The following KTN1 variants were observed in gnomAD, a reference collection of about 807,000 sequenced individuals.
KTN1 encodes kinectin 1, also known as kinectin.
Under a neutral mutation model 222.5 loss-of-function variants are expected in KTN1, and 130 were observed. The ratio of observed to expected loss-of-function variants is 0.58; its 90% CI spans 0.51 to 0.68. KTN1 has a LOEUF of 0.68. KTN1 is among the 30% of genes least tolerant of loss of function. KTN1 has a pLI of 0.00. For missense variants in KTN1, 1,508 were observed against 1,500.4 expected, an observed-to-expected ratio of 1.01 and a Z score of -0.08; for synonymous variants, 512 against 496.3, an observed-to-expected ratio of 1.03 and a Z score of -0.42.
rs1366053678 is a variant in KTN1 at position 55,679,625 on chromosome 14, C to A, written c.4009C>A (p.Gln1337Lys). ...SLNQTVTQLQ[Q>K]LLQAVNQQLT... Reference sequence around the variant, plus strand: ...AAATCAGACTGTAACACAGTTACAGCAGTTGCTTCAGGCGGTAAACCAACA... The same window carrying A: ...AAATCAGACTGTAACACAGTTACAGAAGTTGCTTCAGGCGGTAAACCAACA... The change falls in exon 43 of 44, where the codon CAG becomes AAG. Residue 1337 changes from glutamine to lysine, a missense_variant. Physicochemically the swap from Gln to Lys is moderately conservative, Grantham distance 53. Transcript: ENST00000395314. 6.8e-6 allele frequency: 11 copies of A among 1,609,042 alleles called. No homozygotes were observed. Among genetic ancestry groups the A allele is most frequent in the Non-Finnish European group, 8.5e-7 (1 of 1,175,360 alleles).
intron 2 of KTN1, among the ~76,000 whole-genome samples, chr14:55,615,161 T>G (rs2038164218): frequency 6.6e-6 from 1 of 152,204 alleles, no homozygotes; most frequent in Admixed American, 6.5e-5. Context: ...TGATAGGAGA[T>G]AATTTATTTT....
chr14:55,625,489 A>T (rs1174956046), intron 5 of KTN1, among the ~76,000 whole-genome samples: 1 of 152,106 alleles, frequency 6.6e-6, no homozygotes. Flanking sequence ...TTTCATTAAT[A>T]ATAGTTTTTC....
chr14:55,680,369 G>GT lies in KTN1; in HGVS notation c.4069+699dup, dbSNP rs540631095. 1,195 of 148,150 alleles carry GT rather than the reference G, an allele frequency of 8.1e-3. 4 individuals carry two copies. The highest frequency in any genetic ancestry group is 0.014 in the Middle Eastern group (4 of 282). The allele number at this position is 148,150 out of a possible 1,614,324, so 9.2% of individuals were successfully genotyped here. On this transcript the variant is annotated intron_variant, in intron 43 of 43. Transcript: ENST00000395314. ...CAGTTTTTGTTTTTCTGGTTGTAGGGTTTTTTTTTTTTTTTCTGTTGCTAC... is the reference window on the plus strand; with the variant it reads ...CAGTTTTTGTTTTTCTGGTTGTAGGGTTTTTTTTTTTTTTTTCTGTTGCTAC...
intron 7 of KTN1, among the ~76,000 whole-genome samples, chr14:55,631,783 CA>C (rs1426300770): frequency 6.6e-6 from 1 of 151,890 alleles, no homozygotes; most frequent in South Asian, 2.1e-4. Flanking sequence ...TCTCAAAAAA[CA>C]AAAAACTCCA....
intron 1 of KTN1, among the ~76,000 whole-genome samples, chr14:55,585,846 C>T (rs1349999658): frequency 6.6e-6 from 1 of 152,148 alleles, no homozygotes; most frequent in African/African-American, 2.4e-5. Context: ...TGAATAGGTT[C>T]CATAGGGGCC....
intron 3 of KTN1, among the ~76,000 whole-genome samples, chr14:55,617,205 T>TA (rs1055308926): frequency 3.9e-5 from 6 of 152,198 alleles, no homozygotes; most frequent in African/African-American, 1.4e-4. Flanking sequence ...AGAGAAATAT[T>TA]ACCTGAATAT....
intron 1 of KTN1, among the ~76,000 whole-genome samples, chr14:55,600,418 TGTTATG>T (rs2140457721): frequency 6.6e-6 from 1 of 152,236 alleles, no homozygotes; most frequent in African/African-American, 2.4e-5. Context: ...TGGACAGATT[TGTTATG>T]GTTAGGGTAG....
At position 55,653,548 on chromosome 14, in the gene KTN1, CT is replaced by C. The variant is rs781055665; in HGVS notation, c.2764-10del. ...TGCTAACAGCATTAAAAATATGATT[CT>C]GTTTCTCAGGCCTCTTCTGCATCAC... On this transcript the variant is annotated splice_polypyrimidine_tract_variant and intron_variant, in intron 27 of 43. Coordinates refer to ENST00000395314, the MANE Select transcript of KTN1 (RefSeq NM_001079521.2). 1.9e-6 allele frequency: 3 copies of C among 1,605,168 alleles called. No homozygotes were observed. The highest frequency in any genetic ancestry group is 2.6e-6 in the Non-Finnish European group (3 of 1,173,152).
chr14:55,660,801 C>T (rs1242363941), intron 31 of KTN1, among the ~76,000 whole-genome samples: 1 of 152,036 alleles, frequency 6.6e-6, no homozygotes, highest in Non-Finnish European at 1.5e-5. Flanking sequence ...ATAAATAAAA[C>T]AACACTTTAA....
chr14:55,590,225 A>G (rs2033870625), intron 1 of KTN1, among the ~76,000 whole-genome samples: 1 of 152,126 alleles, frequency 6.6e-6, no homozygotes, highest in Non-Finnish European at 1.5e-5. Flanking sequence ...ATCTCTTCCT[A>G]CTTGTCTTTT....
At chr14:55,591,651 C>T (rs1195808678) in intron 1 of KTN1, among the ~76,000 whole-genome samples, 2 of 136,788 alleles carry the variant, frequency 1.5e-5, no homozygotes, top group Non-Finnish European at 3.0e-5. Context: ...TGCAATGATG[C>T]GATCTCTGCT....
intron 18 of KTN1, among the ~76,000 whole-genome samples, chr14:55,646,142 C>G (rs1248019743): frequency 6.6e-6 from 1 of 152,028 alleles, no homozygotes; most frequent in Admixed American, 6.5e-5. Flanking sequence ...CCAGAGGATG[C>G]CAGGAGAAGT....
rs1015333261 is a variant in KTN1 at position 55,670,657 on chromosome 14, A to C, written c.3268-72A>C. ...ATAATTATCTAATTTGGTTATTTTA[A>C]ATGTTTCACCTGTTTTATTTGGATT... On this transcript the variant is annotated intron_variant, in intron 34 of 43. Transcript: ENST00000395314. The C allele has an allele frequency of 1.2e-5, 12 of 1,016,598 alleles. No homozygotes were observed. The Admixed American group carries it at 2.7e-4, about 23-fold the overall frequency. 63.0% of individuals were successfully genotyped at this position (1,016,598 alleles called of 1,614,324 possible). A position where few individuals can be genotyped will look rare whatever the true frequency, so the allele number is the denominator to read the frequency against.
chr14:55,600,672 G>A (rs1788844315), intron 1 of KTN1, among the ~76,000 whole-genome samples: 1 of 152,128 alleles, frequency 6.6e-6, no homozygotes, highest in Admixed American at 6.5e-5. Flanking sequence ...AGATTTTAAG[G>A]GGAGGAAAGC....
Position 55,648,871 on chromosome 14 carries a change from G to A in KTN1, c.2367+1G>A, listed in dbSNP as rs1214119081. On this transcript the variant is annotated splice_donor_variant, in intron 21 of 43. Transcript: ENST00000395314. LOFTEE classifies it high-confidence loss of function. The stretch of plus-strand genomic sequence containing the variant: ...CTTAAAAGCTAAGCAAAATGATCAG[G>A]TAATGTAAATTTTTACAACTGTTCT... 3 of 1,559,866 alleles carry A rather than the reference G, an allele frequency of 1.9e-6. No individual in the cohort carries two copies. Among genetic ancestry groups the A allele is most frequent in the African/African-American group, 1.4e-5 (1 of 73,514 alleles).
intron 28 of KTN1, among the ~76,000 whole-genome samples, chr14:55,654,930 G>T (rs2043311756): frequency 6.6e-6 from 1 of 152,032 alleles, no homozygotes. Context: ...ACCTTTTCCA[G>T]AATATCGTAG....
At chr14:55,621,283 C>T (rs929711629) in intron 5 of KTN1, among the ~76,000 whole-genome samples, 6 of 133,944 alleles carry the variant, frequency 4.5e-5, no homozygotes, top group Non-Finnish European at 3.1e-5. Context: ...CTGTCTTCTT[C>T]TGAGCCCTCC....
At chr14:55,650,451 T>G in intron 23 of KTN1, 33 bp downstream of exon 23, 1 of 1,559,718 alleles carries the variant, frequency 6.4e-7, no homozygotes, top group Non-Finnish European at 8.8e-7. Flanking sequence ...GTTTTATGTT[T>G]TTGTTTATCA....
At chr14:55,651,124 A>G (rs1157607817) in intron 24 of KTN1, among the ~76,000 whole-genome samples, 1 of 152,200 alleles carries the variant, frequency 6.6e-6, no homozygotes, top group Non-Finnish European at 1.5e-5. Context: ...ATTTCATTGA[A>G]GAGATGATTC....
Sources: allele counts gnomAD v4.1 joint callset (sites outside exome capture counted in the v4.1 genomes callset), GRCh38; gene constraint gnomAD v4.1.1; transcripts MANE v1.5; gene names NCBI Gene and HGNC (gene_info 2026-07-23, HGNC 2026-07-21).